The following CLIP4 variants were observed in gnomAD, a reference collection of about 807,000 sequenced individuals.
CLIP4 encodes CAP-Gly domain containing linker protein family member 4.
CLIP4 carries 47 observed loss-of-function variants against 73.1 expected under a neutral mutation model. The ratio of observed to expected loss-of-function variants is 0.64; its 90% confidence interval spans 0.51 to 0.82. The LOEUF (loss-of-function observed/expected upper bound fraction) is 0.82, where lower values mean the gene tolerates loss of function less well. CLIP4 is among the 40% of genes least tolerant of loss of function. CLIP4 has a pLI of 0.00. For synonymous variants in CLIP4, 306 were observed against 295.4 expected, an observed-to-expected ratio of 1.04 and a Z score of -0.37; for missense variants, 874 against 852.9, an observed-to-expected ratio of 1.02 and a Z score of -0.31.
At chr2:29,145,021 C>T (rs1666057181) in intron 7 of CLIP4, among the ~76,000 whole-genome samples, 1 of 151,634 alleles carries the variant, frequency 6.6e-6, no homozygotes, top group South Asian at 2.1e-4. Context: ...ATTTAATGTT[C>T]TTTTTCATCC....
At chr2:29,123,169 A>G (rs1417019399) in intron 2 of CLIP4, among the ~76,000 whole-genome samples, 1 of 152,198 alleles carries the variant, frequency 6.6e-6, no homozygotes, top group Non-Finnish European at 1.5e-5. Context: ...ATTTTAACTT[A>G]GCCTGAAACT....
chr2:29,173,207 A>G (rs777234423), intron 14 of CLIP4, among the ~76,000 whole-genome samples: 8 of 152,140 alleles, frequency 5.3e-5, no homozygotes, highest in African/African-American at 1.9e-4. Flanking sequence ...ACTTTAATTT[A>G]TAGTCTCTGC....
At chr2:29,166,376 A>AT (rs887191345) in intron 13 of CLIP4, among the ~76,000 whole-genome samples, 4 of 151,368 alleles carry the variant, frequency 2.6e-5, no homozygotes, top group Non-Finnish European at 5.9e-5. Flanking sequence ...TGCACATGTT[A>AT]TTTTTTCTGC....
In CLIP4 at chr2:29,133,708, G is replaced by C; in HGVS notation, c.421G>C (p.Asp141His). The change falls in exon 5 of 16, where the codon GAC (aspartate) becomes CAC (histidine). Residue 141 changes from aspartate to histidine, a missense_variant. Asp to His is a moderately conservative substitution (Grantham distance 81). Coordinates refer to ENST00000320081, the MANE Select transcript of CLIP4 (RefSeq NM_024692.6). ...AACTCAGCTTATTGACCTGGGAGCA[G>C]ACATTAGTTTGCGGAGTCGCTGGAC... ...FATQLIDLGADISLRSRWTNM... is the reference protein window; with the variant it reads ...FATQLIDLGAHISLRSRWTNM... The C allele has an allele frequency of 6.2e-7, 1 of 1,613,626 alleles. No homozygotes were observed. The highest frequency in any genetic ancestry group is 2.2e-5 in the East Asian group (1 of 44,870).
intron 2 of CLIP4, chr2:29,130,959 C>T (rs771607415): frequency 2.1e-4 from 264 of 1,245,552 alleles, no homozygotes; most frequent in Non-Finnish European, 2.7e-4. Flanking sequence ...GTTTTCTACC[C>T]CAGATTTGCC....
intron 13 of CLIP4, among the ~76,000 whole-genome samples, chr2:29,166,477 T>C (rs1260651171): frequency 6.6e-6 from 1 of 151,934 alleles, no homozygotes; most frequent in Non-Finnish European, 1.5e-5. Flanking sequence ...TCAAAACTTC[T>C]TTAGAGAAAC....
intron 15 of CLIP4, 69 bp downstream of exon 15, chr2:29,174,514 A>G (rs1047844541): frequency 1.3e-6 from 2 of 1,572,012 alleles, no homozygotes; most frequent in Admixed American, 1.9e-5. Flanking sequence ...GAAGAAAGAA[A>G]AGTGGAGTGC....
upstream of CLIP4, chr2:29,115,019 C>T (rs1189809416): frequency 2.0e-5 from 3 of 152,534 alleles, no homozygotes; most frequent in Non-Finnish European, 4.4e-5. The surrounding 1 kb of genome is among the most constrained non-coding windows in gnomAD (Gnocchi z 5.1). Flanking sequence ...AGCAAAGCCG[C>T]AGGAGATATG....
chr2:29,138,434 G>A (rs185865054), intron 6 of CLIP4, among the ~76,000 whole-genome samples: 3 of 149,550 alleles, frequency 2.0e-5, no homozygotes, highest in Non-Finnish European at 3.0e-5. Context: ...GTCAGGTAAT[G>A]TGATGCCTCT....
chr2:29,161,161 A>G (rs1487940751), intron 12 of CLIP4, among the ~76,000 whole-genome samples: 1 of 152,080 alleles, frequency 6.6e-6, no homozygotes, highest in Admixed American at 6.6e-5. Flanking sequence ...TTTAGTAGAG[A>G]TGGTATTTCT....
At chr2:29,149,410 CT>C (rs71403647) in intron 8 of CLIP4, among the ~76,000 whole-genome samples, 1,521 of 138,268 alleles carry the variant, frequency 0.011, 29 homozygotes, top group African/African-American at 0.036. Context: ...TTCTCCTTTT[CT>C]TTTTTTTTTT....
chr2:29,180,848 G>A (rs1288942671), intron 15 of CLIP4, among the ~76,000 whole-genome samples: 2 of 150,612 alleles, frequency 1.3e-5, no homozygotes, highest in East Asian at 3.8e-4. Flanking sequence ...GTATGTGTGT[G>A]TGTGTGTGTG....
chr2:29,151,791 T>C (rs1273985427), intron 8 of CLIP4, among the ~76,000 whole-genome samples: 1 of 152,182 alleles, frequency 6.6e-6, no homozygotes. Context: ...TTTTCACTTT[T>C]TAAATATCTT....
At position 29,160,621 on chromosome 2, in the gene CLIP4, A is replaced by G. The variant is rs561877121; in HGVS notation, c.1534+154A>G. On this transcript the variant is annotated intron_variant, in intron 12 of 15. Coordinates refer to ENST00000320081, the MANE Select transcript of CLIP4 (RefSeq NM_024692.6). Reference sequence around the variant, plus strand: ...CAGAAAATGTGAAATGATGATGAAAACTCAGACTGTTTACTCACGTGGATG... The same window carrying G: ...CAGAAAATGTGAAATGATGATGAAAGCTCAGACTGTTTACTCACGTGGATG... 7.2e-5 allele frequency among the ~76,000 whole-genome samples: 11 copies of G among 152,068 alleles called. No individual in the cohort carries two copies. In the South Asian group the frequency reaches 2.3e-3, roughly 32 times the overall value.
intron 1 of CLIP4, among the ~76,000 whole-genome samples, chr2:29,110,217 C>T (rs1434129501): frequency 6.6e-6 from 1 of 152,118 alleles, no homozygotes; most frequent in South Asian, 2.1e-4. Flanking sequence ...GATAATAAGT[C>T]TCGTGCGGCT....
intron 13 of CLIP4, among the ~76,000 whole-genome samples, chr2:29,165,660 G>A (rs907199055): frequency 6.6e-6 from 1 of 152,160 alleles, no homozygotes; most frequent in Non-Finnish European, 1.5e-5. Flanking sequence ...TCAAAACATT[G>A]CAGCAGTCTC....
chr2:29,170,917 G>C (rs1359036151), intron 14 of CLIP4, among the ~76,000 whole-genome samples: 1 of 151,750 alleles, frequency 6.6e-6, no homozygotes, highest in Non-Finnish European at 1.5e-5. Flanking sequence ...AATTTATATT[G>C]GGCTATTTCT....
chr2:29,103,546 T>C (rs148014043), intron 1 of CLIP4, among the ~76,000 whole-genome samples: 287 of 152,316 alleles, frequency 1.9e-3, no homozygotes, highest in Non-Finnish European at 3.3e-3. Flanking sequence ...AAGTAGGTAC[T>C]GCTACAATAC....
chr2:29,103,758 G>T (rs1668119991), intron 1 of CLIP4, among the ~76,000 whole-genome samples: 1 of 151,836 alleles, frequency 6.6e-6, no homozygotes, highest in South Asian at 2.1e-4. Flanking sequence ...CTGTCACCCA[G>T]GCTGGAGTGC....
Sources: gnomAD v4.1 joint callset for allele counts (sites outside exome capture counted in the v4.1 genomes callset) on GRCh38, gnomAD v4.1.1 for gene constraint, Gnocchi (gnomAD v3.1) non-coding constraint, MANE v1.5 for transcripts, NCBI Gene and HGNC (gene_info 2026-07-23, HGNC 2026-07-21) for gene names.